The following HORMAD1 variants were observed in gnomAD, a reference collection of about 807,000 sequenced individuals.
HORMAD1 encodes HORMA domain-containing protein 1.
HORMAD1 carries 33 observed loss-of-function variants against 58.2 expected under a neutral mutation model. The observed-to-expected ratio is 0.57, with a 90% CI of 0.43 to 0.76. The LOEUF (loss-of-function observed/expected upper bound fraction) is 0.76. Ranked by LOEUF, HORMAD1 falls within the 30% of genes least tolerant of loss-of-function variation. HORMAD1 has a pLI of 0.00. For synonymous variants in HORMAD1, 137 were observed against 144.6 expected (o/e 0.95, Z 0.38); for missense variants, 363 against 462.0 (o/e 0.79, Z 1.96).
intron 11 of HORMAD1, 30 bp from the exon 12 acceptor site, chr1:150,704,224 G>C (rs764598941): frequency 2.0e-6 from 3 of 1,525,120 alleles, no homozygotes; most frequent in Admixed American, 1.9e-5. Context: ...AAGTTACCCG[G>C]GTATAAAATT....
intron 9 of HORMAD1, 75 bp downstream of exon 9, chr1:150,708,181 T>C: frequency 8.5e-7 from 1 of 1,180,002 alleles, no homozygotes. Context: ...TAAAAATATT[T>C]GGAATGGAAA....
chr1:150,709,337 A>C (rs1459211694), intron 7 of HORMAD1, among the ~76,000 whole-genome samples: 1 of 152,222 alleles, frequency 6.6e-6, no homozygotes. Context: ...ACTTTGACCC[A>C]ACCACTTTGA....
At position 150,715,964 on chromosome 1, in the gene HORMAD1, G is replaced by A. The variant is rs150782165; in HGVS notation, c.178+1174C>T. Among the ~76,000 whole-genome samples, 433 of 151,510 alleles carry A rather than the reference G, an allele frequency of 2.9e-3. 14 individuals carry two copies. The East Asian group carries it at 0.056, about 20-fold the overall frequency. On this transcript the variant is annotated intron_variant, in intron 3 of 14. Transcript: ENST00000361824. ...AAAACAAAAACTTGTACATCAGTGC[G>A]GCATTATTCATAATAGCCAAAAAGA...
chr1:150,703,407 T>G lies in HORMAD1; in HGVS notation c.949-14A>C, dbSNP rs1439867014. ...TAACTGCTCAACCTAAAAAAGAAAA[T>G]AATTACAAAAAATATAACTTAGTAT... On this transcript the variant is annotated splice_polypyrimidine_tract_variant and intron_variant, in intron 12 of 14. Transcript: ENST00000361824. 3 of 1,405,452 alleles carry G rather than the reference T, an allele frequency of 2.1e-6. No individual in the cohort carries two copies. The highest frequency in any genetic ancestry group is 3.0e-6 in the Non-Finnish European group (3 of 1,015,684). The allele number at this position is 1,405,452 out of a possible 1,614,324, so 87.1% of individuals were successfully genotyped here.
intron 14 of HORMAD1, among the ~76,000 whole-genome samples, chr1:150,699,586 G>A (rs760746913): frequency 4.0e-5 from 6 of 151,178 alleles, no homozygotes; most frequent in Admixed American, 6.6e-5. Flanking sequence ...GTACAGTGGC[G>A]CGATCTTGGC....
At chr1:150,708,853 G>T in intron 8 of HORMAD1, 41 bp downstream of exon 8, 2 of 987,262 alleles carry the variant, frequency 2.0e-6, no homozygotes, top group South Asian at 1.3e-5. Context: ...ATATGAATAA[G>T]TGGTAATCTG....
At chr1:150,715,246 A>G (rs1247370123) in intron 3 of HORMAD1, among the ~76,000 whole-genome samples, 1 of 152,196 alleles carries the variant, frequency 6.6e-6, no homozygotes, top group East Asian at 1.9e-4. Flanking sequence ...TATAGAATCC[A>G]TGAAATTAGA....
chr1:150,717,117 T>C lies in HORMAD1; in HGVS notation c.178+21A>G, dbSNP rs1571078752. On this transcript the variant is annotated intron_variant, in intron 3 of 14. Coordinates refer to ENST00000361824, the MANE Select transcript of HORMAD1 (RefSeq NM_032132.5). Reference sequence around the variant, plus strand: ...AAAAATACCATTTTAAAAGAAAGCTTTAAAATAAATATTGTATTACCATCT... The same window carrying C: ...AAAAATACCATTTTAAAAGAAAGCTCTAAAATAAATATTGTATTACCATCT... 2.1e-6 allele frequency: 3 copies of C among 1,452,908 alleles called. No homozygotes were observed. The African/African-American group carries it at 4.3e-5, about 21-fold the overall frequency. The allele number at this position is 1,452,908 out of a possible 1,614,324, so 90.0% of individuals were successfully genotyped here.
rs771025356 is a variant in HORMAD1 at position 150,706,533 on chromosome 1, A to G, written c.804+20T>C. ...AACATTTGTTATTATTGTTCTTTAT[A>G]ACTCTTGAAATACACTTACACTTGT... On this transcript the variant is annotated intron_variant, in intron 10 of 14. Transcript: ENST00000361824. The G allele has an allele frequency of 3.2e-6, 5 of 1,560,496 alleles. No homozygotes were observed. The highest frequency in any genetic ancestry group is 4.4e-6 in the Non-Finnish European group (5 of 1,143,886).
intron 1 of HORMAD1, among the ~76,000 whole-genome samples, chr1:150,720,431 C>T (rs1652216205): frequency 6.6e-6 from 1 of 152,144 alleles, no homozygotes; most frequent in Non-Finnish European, 1.5e-5. Context: ...TCAAATGATC[C>T]TCCGGCCTCA....
intron 1 of HORMAD1, among the ~76,000 whole-genome samples, chr1:150,720,060 C>CCCG (rs1652200816): frequency 2.1e-5 from 2 of 94,364 alleles, no homozygotes; most frequent in South Asian, 9.7e-4. Flanking sequence ...ACCACAGGTG[C>CCCG]CCACCATATA....
chr1:150,715,931 T>C (rs1034592072), intron 3 of HORMAD1, among the ~76,000 whole-genome samples: 2 of 151,782 alleles, frequency 1.3e-5, no homozygotes, highest in Non-Finnish European at 2.9e-5. Context: ...CATTTAGTTA[T>C]CCAAACAAAA....
At position 150,703,301 on chromosome 1, in the gene HORMAD1, G is replaced by A. The variant is rs368926308; in HGVS notation, c.1032+9C>T. On this transcript the variant is annotated intron_variant, in intron 13 of 14. Transcript: ENST00000361824. ...TTACAATGGAAAACAAACCTAAAGAGATATTTACCATTTTATTCTGAAAGA... is the reference window on the plus strand; with the variant it reads ...TTACAATGGAAAACAAACCTAAAGAAATATTTACCATTTTATTCTGAAAGA... 1 of 1,388,150 alleles carries A rather than the reference G, an allele frequency of 7.2e-7. No homozygotes were observed. The highest frequency in any genetic ancestry group is 1.0e-6 in the Non-Finnish European group (1 of 989,936). 86.0% of individuals were successfully genotyped at this position (1,388,150 alleles called of 1,614,324 possible).
intron 7 of HORMAD1, among the ~76,000 whole-genome samples, chr1:150,710,914 G>A (rs957966299): frequency 1.6e-4 from 24 of 152,134 alleles, no homozygotes; most frequent in African/African-American, 5.3e-4. Flanking sequence ...TGCCACTTCA[G>A]CCACTATGAC....
At chr1:150,701,028 T>A (rs1651521012) in intron 13 of HORMAD1, among the ~76,000 whole-genome samples, 1 of 152,160 alleles carries the variant, frequency 6.6e-6, no homozygotes, top group African/African-American at 2.4e-5. Flanking sequence ...AATGATAACT[T>A]CCTTAGTATA....
intron 3 of HORMAD1, among the ~76,000 whole-genome samples, chr1:150,715,786 T>C (rs1473856179): frequency 6.6e-6 from 1 of 152,114 alleles, no homozygotes; most frequent in African/African-American, 2.4e-5. Flanking sequence ...TACTACTGTA[T>C]GTTTTCTATT....
At chr1:150,703,217 A>G (rs1041658811) in intron 13 of HORMAD1, 93 bp downstream of exon 13, 6 of 720,064 alleles carry the variant, frequency 8.3e-6, no homozygotes, top group Non-Finnish European at 1.4e-5. Context: ...TACTTAGTAA[A>G]TACTGGTTTA....
At chr1:150,713,515 G>A (rs758347393) in intron 5 of HORMAD1, among the ~76,000 whole-genome samples, 20 of 151,404 alleles carry the variant, frequency 1.3e-4, no homozygotes, top group Middle Eastern at 6.8e-3. Flanking sequence ...CAGCCTGAGC[G>A]ACAGAGCAAG....
At chr1:150,718,111 T>G (rs964788088) in intron 2 of HORMAD1, among the ~76,000 whole-genome samples, 1 of 152,156 alleles carries the variant, frequency 6.6e-6, no homozygotes, top group Non-Finnish European at 1.5e-5. Flanking sequence ...TGGTTTTTAG[T>G]TTATTCACAG....
Sources: gnomAD v4.1 joint callset for allele counts (sites outside exome capture counted in the v4.1 genomes callset) on GRCh38, gnomAD v4.1.1 for gene constraint, MANE v1.5 for transcripts, NCBI Gene and HGNC (gene_info 2026-07-23, HGNC 2026-07-21) for gene names.